PIEZO2: variants seen among roughly 807,000 people sequenced by gnomAD.
PIEZO2 encodes piezo type mechanosensitive ion channel component 2.
Under a neutral mutation model 337.3 loss-of-function variants are expected in PIEZO2, and 172 were observed. The ratio of observed to expected loss-of-function variants is 0.51; its 90% CI spans 0.45 to 0.58. The LOEUF (loss-of-function observed/expected upper bound fraction) is 0.58. PIEZO2 is among the 20% of genes least tolerant of loss of function. The probability of loss-of-function intolerance (pLI) is 0.00; values close to 1 mark genes in which losing one functional copy is unlikely to be tolerated. For missense variants in PIEZO2, 3,028 were observed against 3,391.3 expected, an observed-to-expected ratio of 0.89 and a Z score of 2.66; for synonymous variants, 1,251 against 1,228.5, an observed-to-expected ratio of 1.02 and a Z score of -0.38.
chr18:10,744,054 T>G, intron 31 of PIEZO2, 88 bp downstream of exon 31: 1 of 923,620 alleles, frequency 1.1e-6, no homozygotes, highest in Non-Finnish European at 1.6e-6. Flanking sequence ...TTTTCAGGGG[T>G]TTGAGGCTCC....
chr18:10,725,490 T>C (rs2036497631), intron 36 of PIEZO2: 12 of 1,491,926 alleles, frequency 8.0e-6, no homozygotes, highest in African/African-American at 2.8e-5. Context: ...GGTGGATGGG[T>C]AGGCATGAAA....
In PIEZO2 at chr18:10,853,154, A is replaced by C. The variant is rs751706773; in HGVS notation, c.917+2199T>G. 6.6e-6 allele frequency among the ~76,000 whole-genome samples: 1 copy of C among 152,168 alleles called. No homozygotes were observed. Among genetic ancestry groups the C allele is most frequent in the South Asian group, 2.1e-4 (1 of 4,828 alleles). ...AAGAGCACTTCAAGTGAGCATGCGC[A>C]CAACTCCAGTAAACAGACTACATGC... On this transcript the variant is annotated intron_variant, in intron 7 of 55. Transcript: ENST00000674853. This position sits in a 1 kb window ranked among gnomAD's most constrained non-coding sequence, Gnocchi z 4.2.
At chr18:10,971,212 A>C (rs1225620645) in intron 3 of PIEZO2, among the ~76,000 whole-genome samples, 1 of 152,202 alleles carries the variant, frequency 6.6e-6, no homozygotes, top group Non-Finnish European at 1.5e-5. Flanking sequence ...ATTTTGAAAG[A>C]CTGCTGTGTA....
chr18:10,827,143 G>GA (rs1285564489), intron 7 of PIEZO2, among the ~76,000 whole-genome samples: 10 of 152,192 alleles, frequency 6.6e-5, no homozygotes, highest in Non-Finnish European at 1.3e-4. Flanking sequence ...ATCTCTGGTG[G>GA]AAAAATAAAA....
intron 1 of PIEZO2, among the ~76,000 whole-genome samples, chr18:11,137,405 G>A (rs1246726251): frequency 2.0e-5 from 3 of 152,180 alleles, no homozygotes; most frequent in African/African-American, 7.2e-5. Context: ...ATTAAAAAAG[G>A]CATGTGCAGA....
intron 2 of PIEZO2, among the ~76,000 whole-genome samples, chr18:11,025,248 T>C (rs2036495576): frequency 6.6e-6 from 1 of 152,206 alleles, no homozygotes. Flanking sequence ...TTAAAATATA[T>C]AACCCTCTGG....
In PIEZO2 at chr18:10,916,339, G is replaced by A. The variant is rs578034134; in HGVS notation, c.287-5111C>T. Reference sequence around the variant, plus strand: ...GGGACCAGGAGCCGCCTAGCAGGGGGCGGCGCCTGTAGGGGAGGCTCGGGC... The same window carrying A: ...GGGACCAGGAGCCGCCTAGCAGGGGACGGCGCCTGTAGGGGAGGCTCGGGC... On this transcript the variant is annotated intron_variant, in intron 3 of 55. Coordinates refer to ENST00000674853, the MANE Select transcript of PIEZO2 (RefSeq NM_001378183.1). Among the ~76,000 whole-genome samples the A allele has an allele frequency of 3.3e-5, 5 of 152,292 alleles. No individual in the cohort carries two copies. In the South Asian group the frequency reaches 1.0e-3, roughly 32 times the overall value.
At chr18:10,848,467 A>G (rs1233185911) in intron 7 of PIEZO2, among the ~76,000 whole-genome samples, 1 of 152,218 alleles carries the variant, frequency 6.6e-6, no homozygotes, top group Non-Finnish European at 1.5e-5. Context: ...TTTTCTAATT[A>G]TCATGATTTA....
Position 11,070,288 on chromosome 18 carries a change from C to T in PIEZO2, c.65-4066G>A, listed in dbSNP as rs989307962. Among the ~76,000 whole-genome samples, 9 of 152,108 alleles carry T rather than the reference C, an allele frequency of 5.9e-5. No individual in the cohort carries two copies. Among genetic ancestry groups the T allele is most frequent in the Non-Finnish European group, 8.8e-5 (6 of 68,030 alleles). On this transcript the variant is annotated intron_variant, in intron 1 of 55. Coordinates refer to ENST00000674853, the MANE Select transcript of PIEZO2 (RefSeq NM_001378183.1). This position sits in a 1 kb window ranked among gnomAD's most constrained non-coding sequence, Gnocchi z 4.3. ...ATACAGAAAAAGTACAGTAAAAATACGGCACTATAATCTTAGGGGACCAAC... is the reference window on the plus strand; with the variant it reads ...ATACAGAAAAAGTACAGTAAAAATATGGCACTATAATCTTAGGGGACCAAC...
Position 10,781,174 on chromosome 18 carries a change from A to G in PIEZO2, c.2493-808T>C, listed in dbSNP as rs1194247133. Among the ~76,000 whole-genome samples, 5 of 152,146 alleles carry G rather than the reference A, an allele frequency of 3.3e-5. No individual in the cohort carries two copies. Among genetic ancestry groups the G allele is most frequent in the Non-Finnish European group, 5.9e-5 (4 of 68,026 alleles). ...AAACCTGCATAAATTAAAGAGCTAT[A>G]AAAGTAATGAATATGGCCGGGTGTG... On this transcript the variant is annotated intron_variant, in intron 17 of 55. Transcript: ENST00000674853. This position sits in a 1 kb window ranked among gnomAD's most constrained non-coding sequence, Gnocchi z 4.1.
At position 11,028,757 on chromosome 18, in the gene PIEZO2, G is replaced by A. The variant is rs1026991188; in HGVS notation, c.160+37370C>T. On this transcript the variant is annotated intron_variant, in intron 2 of 55. Coordinates refer to ENST00000674853, the MANE Select transcript of PIEZO2 (RefSeq NM_001378183.1). This position sits in a 1 kb window ranked among gnomAD's most constrained non-coding sequence, Gnocchi z 4.8. ...TCTGATCAGGTCTGAATAATACATGGCCAGCCAGCGTTGGCCATGGTGCTG... is the reference window on the plus strand; with the variant it reads ...TCTGATCAGGTCTGAATAATACATGACCAGCCAGCGTTGGCCATGGTGCTG... Among the ~76,000 whole-genome samples the A allele has an allele frequency of 6.6e-6, 1 of 152,124 alleles. No homozygotes were observed. Among genetic ancestry groups the A allele is most frequent in the Non-Finnish European group, 1.5e-5 (1 of 68,020 alleles).
intron 3 of PIEZO2, among the ~76,000 whole-genome samples, chr18:10,922,372 G>GA (rs1014487574): frequency 2.6e-5 from 4 of 152,132 alleles, no homozygotes; most frequent in East Asian, 3.9e-4. Flanking sequence ...TAAAAAAACA[G>GA]AAAAAACGGA....
chr18:10,975,971 C>A (rs895041714), intron 3 of PIEZO2, among the ~76,000 whole-genome samples: 6 of 152,020 alleles, frequency 3.9e-5, no homozygotes, highest in Admixed American at 3.3e-4. Context: ...TATGCAGATG[C>A]CAAAAAAGGA....
intron 33 of PIEZO2, chr18:10,740,650 C>T: frequency 3.1e-6 from 1 of 318,764 alleles, no homozygotes. Context: ...AAGGTGGAGC[C>T]CAAGCTCATT....
chr18:10,710,038 G>GGGCACT (rs1210792795), intron 39 of PIEZO2, among the ~76,000 whole-genome samples: 6 of 152,180 alleles, frequency 3.9e-5, no homozygotes. Flanking sequence ...GCCCCTTTCT[G>GGGCACT]GGGCCCCAAT....
At chr18:11,006,745 A>G (rs959096017) in intron 2 of PIEZO2, among the ~76,000 whole-genome samples, 3 of 151,898 alleles carry the variant, frequency 2.0e-5, no homozygotes, top group African/African-American at 4.8e-5. Flanking sequence ...TCTTTGGTAT[A>G]TGAATCTTCA....
At position 11,143,805 on chromosome 18, in the gene PIEZO2, G is replaced by A. The variant is rs916263831; in HGVS notation, c.64+4720C>T. ...GTCTGTTAATTTTGACTGAGACATCGCCTGAGCATTCTGCTCTCTGCTCAT... is the reference window on the plus strand; with the variant it reads ...GTCTGTTAATTTTGACTGAGACATCACCTGAGCATTCTGCTCTCTGCTCAT... On this transcript the variant is annotated intron_variant, in intron 1 of 55. Transcript: ENST00000674853. The surrounding 1 kb of genome is among the most constrained non-coding windows in gnomAD (Gnocchi z 4.9). Among the ~76,000 whole-genome samples the A allele has an allele frequency of 1.3e-5, 2 of 152,126 alleles. No homozygotes were observed. Among genetic ancestry groups the A allele is most frequent in the South Asian group, 4.1e-4 (2 of 4,832 alleles).
At chr18:10,956,168 C>G (rs188946142) in intron 3 of PIEZO2, among the ~76,000 whole-genome samples, 2 of 152,152 alleles carry the variant, frequency 1.3e-5, no homozygotes, top group East Asian at 3.9e-4. Context: ...CAAAAAATGT[C>G]AATAGCCTAA....
chr18:10,984,583 T>C (rs1236466811), intron 2 of PIEZO2, among the ~76,000 whole-genome samples: 1 of 152,114 alleles, frequency 6.6e-6, no homozygotes, highest in African/African-American at 2.4e-5. Context: ...TTTAAAATCC[T>C]ATGGGACTTA....
Sources: allele counts gnomAD v4.1 joint callset (sites outside exome capture counted in the v4.1 genomes callset), GRCh38; gene constraint gnomAD v4.1.1; non-coding constraint Gnocchi (gnomAD v3.1); transcripts MANE v1.5; gene names NCBI Gene and HGNC (gene_info 2026-07-23, HGNC 2026-07-21).